ATOSA: variants seen among roughly 807,000 people sequenced by gnomAD.
ATOSA encodes atos homolog protein A.
chr15:52,587,439 T>C, the ATOSA span: 1 of 400,130 alleles, frequency 2.5e-6, no homozygotes, highest in East Asian at 4.6e-5. Flanking sequence ...ATAACATCAA[T>C]GGCCACAGCA....
the ATOSA span, among the ~76,000 whole-genome samples, chr15:52,660,334 C>G: frequency 2.0e-5 from 3 of 152,184 alleles, no homozygotes; most frequent in Non-Finnish European, 4.4e-5. Flanking sequence ...CACAAACTAT[C>G]ATATAGTACC....
chr15:52,608,241 G>A, the ATOSA span, among the ~76,000 whole-genome samples: 8 of 152,080 alleles, frequency 5.3e-5, no homozygotes, highest in African/African-American at 1.9e-4. Context: ...GGGGAGCAGG[G>A]GGAGAACAGA....
chr15:52,609,409 T>C, the ATOSA span: 7 of 1,613,750 alleles, frequency 4.3e-6, no homozygotes, highest in African/African-American at 4.0e-5. Context: ...CCGGGGGATA[T>C]GTGATGCTGT....
chr15:52,648,832 T>C, the ATOSA span: 2 of 152,132 alleles, frequency 1.3e-5, no homozygotes, highest in African/African-American at 4.8e-5. Flanking sequence ...CTTCCTCAAA[T>C]TTATAATTTT....
chr15:52,630,842 G>A, the ATOSA span, among the ~76,000 whole-genome samples: 1,565 of 152,266 alleles, frequency 0.01, 27 homozygotes, highest in African/African-American at 0.036. Flanking sequence ...AGGAGTAAAC[G>A]TAAGTACAAG....
At chr15:52,601,138 A>T in the ATOSA span, 1 of 1,543,818 alleles carries the variant, frequency 6.5e-7, no homozygotes, top group South Asian at 1.2e-5. Context: ...AGATCAAAGC[A>T]ACCTGATTGT....
chr15:52,585,214 C>T, the ATOSA span: 4 of 272,572 alleles, frequency 1.5e-5, no homozygotes, highest in East Asian at 2.4e-4. Flanking sequence ...AAATTTTACT[C>T]CTTGTTCAGA....
the ATOSA span, among the ~76,000 whole-genome samples, chr15:52,660,079 G>T: frequency 2.6e-5 from 4 of 152,100 alleles, no homozygotes; most frequent in African/African-American, 9.7e-5. Flanking sequence ...CGTGAATTTT[G>T]TATTTCATGA....
chr15:52,584,719 A>C, the ATOSA span: 4 of 1,591,332 alleles, frequency 2.5e-6, no homozygotes, highest in Non-Finnish European at 3.4e-6. Context: ...CTAAAGTAAC[A>C]TTTTCATATT....
At chr15:52,627,010 G>A in the ATOSA span, among the ~76,000 whole-genome samples, 1 of 152,062 alleles carries the variant, frequency 6.6e-6, no homozygotes, top group Non-Finnish European at 1.5e-5. Flanking sequence ...TCACTTTTCT[G>A]CTTTCCTGCC....
the ATOSA span, among the ~76,000 whole-genome samples, chr15:52,676,462 A>G: frequency 6.6e-6 from 1 of 152,178 alleles, no homozygotes; most frequent in African/African-American, 2.4e-5. Flanking sequence ...GCTTATTTCA[A>G]TATTTCTGTA....
chr15:52,664,231 G>C, the ATOSA span, among the ~76,000 whole-genome samples: 119 of 152,302 alleles, frequency 7.8e-4, 2 homozygotes, highest in East Asian at 0.016. Flanking sequence ...CAGCACTAAA[G>C]ACTTTAGACA....
chr15:52,637,408 C>G, the ATOSA span, among the ~76,000 whole-genome samples: 516 of 152,284 alleles, frequency 3.4e-3, 15 homozygotes, highest in East Asian at 0.037. Context: ...ACTCCTAGCT[C>G]TGCTCTCCCA....
the ATOSA span, among the ~76,000 whole-genome samples, chr15:52,607,298 G>T: frequency 6.6e-6 from 1 of 151,998 alleles, no homozygotes; most frequent in Non-Finnish European, 1.5e-5. Context: ...GCTAATATTG[G>T]GTCTGACCTG....
At chr15:52,619,155 T>C in the ATOSA span, among the ~76,000 whole-genome samples, 1 of 152,230 alleles carries the variant, frequency 6.6e-6, no homozygotes, top group Non-Finnish European at 1.5e-5. Flanking sequence ...GTGACAACTT[T>C]TAGAAATTTG....
chr15:52,657,308 T>C, the ATOSA span: 7,273 of 152,274 alleles, frequency 0.048, 253 homozygotes, highest in Middle Eastern at 0.085. Flanking sequence ...AGTGACACAG[T>C]TGTATGTGTA....
At chr15:52,644,485 G>A in the ATOSA span, among the ~76,000 whole-genome samples, 1 of 152,032 alleles carries the variant, frequency 6.6e-6, no homozygotes, top group South Asian at 2.1e-4. Flanking sequence ...CATTATTTGA[G>A]CTTTATGAGA....
chr15:52,609,432 C>T, the ATOSA span: 2 of 1,613,534 alleles, frequency 1.2e-6, no homozygotes, highest in East Asian at 2.2e-5. Context: ...GATCAATGTG[C>T]TCCAAGTGTT....
At chr15:52,629,961 T>A in the ATOSA span, among the ~76,000 whole-genome samples, 1 of 151,794 alleles carries the variant, frequency 6.6e-6, no homozygotes, top group African/African-American at 2.4e-5. Flanking sequence ...ACAAAAAATA[T>A]TTGTATACAA....
Sources: gnomAD v4.1 joint callset for allele counts (sites outside exome capture counted in the v4.1 genomes callset) on GRCh38, gnomAD v4.1.1 for gene constraint, MANE v1.5 for transcripts, NCBI Gene and HGNC (gene_info 2026-07-23, HGNC 2026-07-21) for gene names.